The following PARVA variants were observed in gnomAD, a reference collection of about 807,000 sequenced individuals.
PARVA encodes parvin alpha, also known as alpha-parvin.
PARVA carries 25 observed loss-of-function variants against 52.6 expected under a neutral mutation model. The observed-to-expected ratio is 0.48, with a 90% CI of 0.35 to 0.66. The LOEUF (loss-of-function observed/expected upper bound fraction) is 0.66, where lower values mean the gene tolerates loss of function less well. Among genes scored for constraint, PARVA ranks in the 30% least tolerant of loss-of-function variants. PARVA has a pLI of 0.01. For synonymous variants in PARVA, 185 were observed against 179.1 expected, an observed-to-expected ratio of 1.03 and a Z score of -0.26; for missense variants, 373 against 450.9, an observed-to-expected ratio of 0.83 and a Z score of 1.56.
At chr11:12,470,067 C>A (rs1940912953) in intron 1 of PARVA, among the ~76,000 whole-genome samples, 1 of 152,248 alleles carries the variant, frequency 6.6e-6, no homozygotes. Flanking sequence ...AATGCTGCCC[C>A]AGAAATGTGC....
chr11:12,383,922 C>T (rs1939531766), intron 1 of PARVA, among the ~76,000 whole-genome samples: 1 of 152,108 alleles, frequency 6.6e-6, no homozygotes, highest in South Asian at 2.1e-4. Flanking sequence ...ATGTTGTTGT[C>T]CATAGCCCCT....
chr11:12,517,303 A>ACCCCCCCCCC (rs1564869136), intron 10 of PARVA, among the ~76,000 whole-genome samples: 9 of 112,484 alleles, frequency 8.0e-5, no homozygotes, highest in East Asian at 3.0e-4. Flanking sequence ...AGCCACACTG[A>ACCCCCCCCCC]CCACCCCCCA....
In PARVA at chr11:12,533,125, G is replaced by T. The variant is rs1259690266; in HGVS notation, c.*5200G>T. On this transcript the variant is annotated 3_prime_UTR_variant, in exon 13 of 13. Transcript: ENST00000334956. The stretch of plus-strand genomic sequence containing the variant: ...TCCTCCTAACCTGCTGCTGCTGATG[G>T]ACAGGAACTCCTGGACTACCCCCAG... Among the ~76,000 whole-genome samples the T allele has an allele frequency of 6.6e-6, 1 of 152,134 alleles. No individual in the cohort carries two copies. The highest frequency in any genetic ancestry group is 6.5e-5 in the Admixed American group (1 of 15,274).
At chr11:12,481,464 C>A in intron 4 of PARVA, among the ~76,000 whole-genome samples, 1 of 151,894 alleles carries the variant, frequency 6.6e-6, no homozygotes, top group East Asian at 1.9e-4. Flanking sequence ...TTGTTTCTCA[C>A]ATCATAAGAT....
chr11:12,381,606 C>G lies in PARVA; in HGVS notation c.136+3823C>G, dbSNP rs563120491. ...AGTTTTTAACTCCCCACAAACTTAA[C>G]TGCTAATAGCCTACCGTTGACCAGA... On this transcript the variant is annotated intron_variant, in intron 1 of 12. Coordinates refer to ENST00000334956, the MANE Select transcript of PARVA (RefSeq NM_018222.5). Among the ~76,000 whole-genome samples the G allele has an allele frequency of 1.9e-3, 295 of 152,344 alleles. 1 individual carries two copies. The highest frequency in any genetic ancestry group is 2.5e-3 in the Non-Finnish European group (173 of 68,034).
At chr11:12,504,875 TG>T (rs1180600495) in intron 6 of PARVA, among the ~76,000 whole-genome samples, 4 of 151,932 alleles carry the variant, frequency 2.6e-5, no homozygotes, top group Non-Finnish European at 4.4e-5. Flanking sequence ...TACTTAGGTA[TG>T]GGGAGAACGA....
intron 6 of PARVA, among the ~76,000 whole-genome samples, chr11:12,508,343 C>T (rs992097327): frequency 2.6e-5 from 4 of 152,190 alleles, no homozygotes; most frequent in African/African-American, 9.7e-5. Flanking sequence ...AGGAAAGATT[C>T]ACCATCCAAG....
At chr11:12,474,261 A>G (rs917746753) in intron 3 of PARVA, among the ~76,000 whole-genome samples, 4 of 152,080 alleles carry the variant, frequency 2.6e-5, no homozygotes, top group African/African-American at 9.7e-5. Context: ...AGAGTGCACA[A>G]AATGCTTATT....
chr11:12,387,663 CA>C (rs1199120964), intron 1 of PARVA, among the ~76,000 whole-genome samples: 3 of 139,234 alleles, frequency 2.2e-5, no homozygotes, highest in African/African-American at 5.3e-5. Context: ...TGTTATTTGA[CA>C]AAGGCCTGTG....
rs549837584 is a variant in PARVA, at chr11:12,431,034, C to G, written c.137-42711C>G. ...TATTTTCCTTTCTTAAGCAATATCCCTTTCACACAGATGTGGACAGAGTGC... is the reference window on the plus strand; with the variant it reads ...TATTTTCCTTTCTTAAGCAATATCCGTTTCACACAGATGTGGACAGAGTGC... On this transcript the variant is annotated intron_variant, in intron 1 of 12. Transcript: ENST00000334956. Among the ~76,000 whole-genome samples, 9 of 152,322 alleles carry G rather than the reference C, an allele frequency of 5.9e-5. 1 individual carries two copies. The highest frequency in any genetic ancestry group is 5.9e-4 in the Admixed American group (9 of 15,304).
chr11:12,417,018 T>A (rs184640004), intron 1 of PARVA, among the ~76,000 whole-genome samples: 2 of 152,174 alleles, frequency 1.3e-5, no homozygotes, highest in Admixed American at 6.5e-5. Flanking sequence ...GAACTACTTA[T>A]AATGGAGAAC....
At chr11:12,470,151 G>A (rs1384618611) in intron 1 of PARVA, among the ~76,000 whole-genome samples, 1 of 152,226 alleles carries the variant, frequency 6.6e-6, no homozygotes, top group Non-Finnish European at 1.5e-5. Flanking sequence ...CTGGGAAAAA[G>A]GTAAAATCCT....
At chr11:12,482,156 CAAAAAAAAAA>C (rs60933434) in intron 4 of PARVA, among the ~76,000 whole-genome samples, 4 of 60,654 alleles carry the variant, frequency 6.6e-5, no homozygotes, top group African/African-American at 2.1e-4. Flanking sequence ...AACCCTGTCT[CAAAAAAAAAA>C]AAAAAAGAAA....
chr11:12,515,041 G>A (rs931040441), intron 10 of PARVA, among the ~76,000 whole-genome samples: 4 of 152,184 alleles, frequency 2.6e-5, no homozygotes, highest in Admixed American at 6.5e-5. Flanking sequence ...TTAACAGCAC[G>A]TCCCAAGTAA....
intron 1 of PARVA, among the ~76,000 whole-genome samples, chr11:12,379,162 C>T (rs903480808): frequency 6.6e-6 from 1 of 152,206 alleles, no homozygotes; most frequent in African/African-American, 2.4e-5. Context: ...AGAGGTCACT[C>T]TTGTCGCCAT....
upstream of PARVA, among the ~76,000 whole-genome samples, chr11:12,376,946 A>G (rs947355521): frequency 6.6e-5 from 10 of 152,154 alleles, no homozygotes; most frequent in African/African-American, 1.9e-4. Context: ...CTTCCTTTGT[A>G]TAAGCTGCTG....
chr11:12,377,490 G>T, upstream of PARVA: 2 of 1,416,330 alleles, frequency 1.4e-6, no homozygotes, highest in South Asian at 3.0e-5. Flanking sequence ...GCGAGGGAGG[G>T]AGCGAGGGAA....
intron 1 of PARVA, among the ~76,000 whole-genome samples, chr11:12,433,200 C>T (rs1940339541): frequency 6.6e-6 from 1 of 152,110 alleles, no homozygotes; most frequent in Non-Finnish European, 1.5e-5. Flanking sequence ...CTGAAACTTT[C>T]CCGGAATCTT....
intron 6 of PARVA, among the ~76,000 whole-genome samples, chr11:12,507,058 A>AT (rs5789726): frequency 1.3e-5 from 2 of 151,354 alleles, no homozygotes; most frequent in Non-Finnish European, 2.9e-5. Flanking sequence ...TAAATGATAG[A>AT]TTTTTTTTTT....
Sources: gnomAD v4.1 joint callset for allele counts (sites outside exome capture counted in the v4.1 genomes callset) on GRCh38, gnomAD v4.1.1 for gene constraint, MANE v1.5 for transcripts, NCBI Gene and HGNC (gene_info 2026-07-23, HGNC 2026-07-21) for gene names.